The following ZNF727 variants were observed in gnomAD, a reference collection of about 807,000 sequenced individuals.
ZNF727 encodes the protein putative zinc finger protein 727.
A neutral mutation model predicts 11.5 loss-of-function variants in ZNF727; 11 were observed. That is an observed-to-expected ratio of 0.95 (90% CI 0.60 to 1.58). The LOEUF is 1.58. Ranked by LOEUF, ZNF727 falls within the 40% of genes most tolerant of loss-of-function variation. The probability of loss-of-function intolerance (pLI) is 0.00; values close to 1 mark genes in which losing one functional copy is unlikely to be tolerated. For synonymous variants in ZNF727, 171 were observed against 196.1 expected (o/e 0.87, Z 1.07); for missense variants, 533 against 581.7 (o/e 0.92, Z 0.86).
Position 64,077,416 on chromosome 7 carries a change from T to C in ZNF727, c.367T>C (p.Cys123Arg). The change falls in exon 4 of 4, where the codon TGC becomes CGC. Residue 123 changes from cysteine to arginine, a missense_variant. Around this residue, in one of 3 missense-constraint regions of ZNF727, gnomAD observed 463 missense variants for 494.5 expected, o/e 0.94. Transcript: ENST00000456806. The stretch of plus-strand genomic sequence containing the variant: ...GAAAGACTACCAACGTGTGGGTAAT[T>C]GCAAGGGGCAGAAAAGCAGTTATAA... ...LKKDYQRVGN[C>R]KGQKSSYNGI... is the part of the protein sequence containing the mutation. 1 of 1,552,000 alleles carries C rather than the reference T, an allele frequency of 6.4e-7. No individual in the cohort carries two copies. Among genetic ancestry groups the C allele is most frequent in the Non-Finnish European group, 8.7e-7 (1 of 1,147,044 alleles).
chr7:64,084,179 A>G lies in ZNF727; in HGVS notation c.*5630A>G, dbSNP rs1476086358. On this transcript the variant is annotated 3_prime_UTR_variant, in exon 4 of 4. Coordinates refer to ENST00000456806, the MANE Select transcript of ZNF727 (RefSeq NM_001159522.3). ...TTAGTGGTTGATTTACAACAGCATT[A>G]TAAGTGACAGGGTGATAGAAGTGTG... Among the ~76,000 whole-genome samples, 1 of 152,186 alleles carries G rather than the reference A, an allele frequency of 6.6e-6. No homozygotes were observed. The highest frequency in any genetic ancestry group is 1.5e-5 in the Non-Finnish European group (1 of 68,028).
intron 1 of ZNF727, among the ~76,000 whole-genome samples, chr7:64,068,678 A>C (rs1212436895): frequency 1.3e-5 from 2 of 152,150 alleles, no homozygotes; most frequent in Non-Finnish European, 2.9e-5. Context: ...ATCATCAAGA[A>C]AAGTATTGTA....
chr7:64,058,569 G>C (rs780291678), intron 1 of ZNF727, among the ~76,000 whole-genome samples: 9 of 152,032 alleles, frequency 5.9e-5, no homozygotes, highest in Non-Finnish European at 1.0e-4. Context: ...TCTTCTACCT[G>C]CATAGACACA....
At position 64,048,120 on chromosome 7, in the gene ZNF727, T is replaced by C. The variant is rs12672867; in HGVS notation, c.3+2496T>C. On this transcript the variant is annotated intron_variant, in intron 1 of 3. Transcript: ENST00000456806. ...CCGTGTTTGTTGCCTTGAATATATA[T>C]GTTCAGTTATTTCAACTTCAGTTTT... Among the ~76,000 whole-genome samples the C allele has an allele frequency of 0.022, 3,353 of 152,310 alleles. 208 individuals carry two copies. The East Asian group carries it at 0.24, about 11-fold the overall frequency.
intron 1 of ZNF727, among the ~76,000 whole-genome samples, chr7:64,060,858 C>T (rs1432936210): frequency 1.3e-5 from 2 of 151,706 alleles, no homozygotes; most frequent in Non-Finnish European, 2.9e-5. Flanking sequence ...ACTTCTTTCA[C>T]TTATTCATAG....
chr7:64,046,917 G>A (rs1465275669), intron 1 of ZNF727, among the ~76,000 whole-genome samples: 1 of 151,954 alleles, frequency 6.6e-6, no homozygotes, highest in East Asian at 1.9e-4. Flanking sequence ...CGGTGGAAAT[G>A]TCCTGGTTAT....
At chr7:64,073,309 G>GT (rs201328516) in intron 3 of ZNF727, among the ~76,000 whole-genome samples, 6,071 of 72,270 alleles carry the variant, frequency 0.084, 297 homozygotes, top group South Asian at 0.2. Context: ...TTTTTTGTGT[G>GT]TTTTTTTTTT....
At chr7:64,062,364 G>T (rs1442537443) in intron 1 of ZNF727, among the ~76,000 whole-genome samples, 1 of 151,750 alleles carries the variant, frequency 6.6e-6, no homozygotes, top group African/African-American at 2.4e-5. Flanking sequence ...TTGTAGGACA[G>T]GTCTGGGGGT....
chr7:64,077,593 T>A lies in ZNF727; in HGVS notation c.544T>A (p.Cys182Ser). The change falls in exon 4 of 4, where the codon TGT becomes AGT. Residue 182 changes from cysteine to serine, a missense_variant. Coordinates refer to ENST00000456806, the MANE Select transcript of ZNF727 (RefSeq NM_001159522.3). ...CYKCEECGKD[C>S]RLSDFTIQKR... ...CAAATGTGAAGAATGTGGCAAAGAC[T>A]GTAGGTTGTCAGATTTTACCATACA... 2 of 1,551,554 alleles carry A rather than the reference T, an allele frequency of 1.3e-6. No homozygotes were observed. The highest frequency in any genetic ancestry group is 1.7e-6 in the Non-Finnish European group (2 of 1,146,858).
At position 64,077,954 on chromosome 7, in the gene ZNF727, A is replaced by T. The variant is rs1287788026; in HGVS notation, c.905A>T (p.His302Leu). 6.3e-7 allele frequency: 1 copy of T among 1,592,396 alleles called. No individual in the cohort carries two copies. Among genetic ancestry groups the T allele is most frequent in the Non-Finnish European group, 8.6e-7 (1 of 1,168,772 alleles). Residue 302 changes from histidine to leucine, a missense_variant, in exon 4 of 4, where the codon CAT becomes CTT. Around this residue, in one of 3 missense-constraint regions of ZNF727, gnomAD observed 463 missense variants for 494.5 expected, o/e 0.94. Transcript: ENST00000456806. ...AFRCCSDLTK[H>L]KRIHTGEKPY... is the part of the protein sequence containing the mutation. ...AGGTGTTGCTCAGACCTTACTAAAC[A>T]TAAGAGAATTCATACTGGAGAGAAA...
chr7:64,052,382 T>C (rs1245720355), intron 1 of ZNF727, among the ~76,000 whole-genome samples: 5,151 of 32,692 alleles, frequency 0.16, 102 homozygotes, highest in Non-Finnish European at 0.27. Context: ...CTCTCTCTTT[T>C]TTTTTTTTTT....
chr7:64,065,373 G>A (rs1159624991), intron 1 of ZNF727, among the ~76,000 whole-genome samples: 1 of 152,070 alleles, frequency 6.6e-6, no homozygotes, highest in Admixed American at 6.6e-5. Context: ...TTGGAAAGGG[G>A]AAACTCATAT....
chr7:64,052,638 C>T (rs764815947), intron 1 of ZNF727, among the ~76,000 whole-genome samples: 2 of 152,190 alleles, frequency 1.3e-5, no homozygotes, highest in Non-Finnish European at 2.9e-5. Context: ...CTCCAGACCC[C>T]AGAATGGCAA....
intron 1 of ZNF727, among the ~76,000 whole-genome samples, chr7:64,056,481 T>C (rs1032238715): frequency 8.5e-5 from 13 of 152,226 alleles, no homozygotes; most frequent in African/African-American, 3.1e-4. Context: ...AAAAGTCAAC[T>C]TTTATAAGTT....
intron 1 of ZNF727, among the ~76,000 whole-genome samples, chr7:64,051,446 G>A (rs1369435279): frequency 6.6e-6 from 1 of 152,078 alleles, no homozygotes; most frequent in South Asian, 2.1e-4. Flanking sequence ...TTTAAGAAAT[G>A]GTTGGTAAAA....
rs143175392 is a variant in ZNF727, at chr7:64,079,889, C to T, written c.*1340C>T. Among the ~76,000 whole-genome samples the T allele has an allele frequency of 0.01, 1,571 of 152,208 alleles. 20 individuals carry two copies. Among genetic ancestry groups the T allele is most frequent in the Middle Eastern group, 0.024 (7 of 294 alleles). ...TCCTCAGCATTTGCTTATCTGAATA[C>T]GATCATATTTATTTTTTGCTTCTGA... On this transcript the variant is annotated 3_prime_UTR_variant, in exon 4 of 4. Transcript: ENST00000456806.
rs144688360 is a variant in ZNF727 at position 64,054,194 on chromosome 7, C to T, written c.3+8570C>T. 3.4e-3 allele frequency among the ~76,000 whole-genome samples: 518 copies of T among 152,250 alleles called. 1 individual carries two copies. The highest frequency in any genetic ancestry group is 0.012 in the African/African-American group (492 of 41,536). On this transcript the variant is annotated intron_variant, in intron 1 of 3. Coordinates refer to ENST00000456806, the MANE Select transcript of ZNF727 (RefSeq NM_001159522.3). ...GGGTGGCCTTCCCTCAATGCACACA[C>T]ATGTCTGAAAGCACACCTCAGTTTC... is the stretch of plus-strand genomic sequence containing the variant.
chr7:64,047,284 T>C (rs1201823565), intron 1 of ZNF727, among the ~76,000 whole-genome samples: 1 of 152,246 alleles, frequency 6.6e-6, no homozygotes, highest in East Asian at 1.9e-4. Context: ...TATCAACTAT[T>C]AGTCCTTTAT....
At chr7:64,053,938 A>G (rs1789642643) in intron 1 of ZNF727, among the ~76,000 whole-genome samples, 1 of 152,132 alleles carries the variant, frequency 6.6e-6, no homozygotes, top group Non-Finnish European at 1.5e-5. Flanking sequence ...AGTTGTGTCT[A>G]ATTTCTCATT....
Sources: gnomAD v4.1 joint callset for allele counts (sites outside exome capture counted in the v4.1 genomes callset) on GRCh38, gnomAD v4.1.1 for gene constraint, gnomAD v4.1.1 regional missense constraint, MANE v1.5 for transcripts, NCBI Gene and HGNC (gene_info 2026-07-23, HGNC 2026-07-21) for gene names.